PDE12: variants seen among roughly 807,000 people sequenced by gnomAD.
The protein encoded by PDE12 is phosphodiesterase 12.
Under a neutral mutation model 45.4 loss-of-function variants are expected in PDE12, and 26 were observed. The observed-to-expected ratio is 0.57, with a 90% CI of 0.42 to 0.79. The LOEUF is 0.79. Among genes scored for constraint, PDE12 ranks in the 30% least tolerant of loss-of-function variants. The pLI is 0.00. For missense variants in PDE12, 668 were observed against 790.0 expected (o/e 0.85, Z 1.85); for synonymous variants, 283 against 323.9 (o/e 0.87, Z 1.36).
the PDE12 span, among the ~76,000 whole-genome samples, chr3:57,606,763 TA>T: frequency 6.6e-6 from 1 of 152,098 alleles, no homozygotes. Flanking sequence ...GGTAGACTAG[TA>T]AATTAAAGAT....
the PDE12 span, among the ~76,000 whole-genome samples, chr3:57,613,696 T>A: frequency 7.3e-5 from 11 of 151,522 alleles, no homozygotes; most frequent in African/African-American, 2.7e-4. Context: ...GTCAGGAGAT[T>A]GAGACCATCC....
the PDE12 span, chr3:57,575,531 A>T: frequency 6.2e-7 from 1 of 1,602,472 alleles, no homozygotes; most frequent in Non-Finnish European, 8.5e-7. Flanking sequence ...GGTTAATATC[A>T]ACCTCCAAAT....
downstream of PDE12, among the ~76,000 whole-genome samples, chr3:57,567,397 C>G (rs140531354): frequency 1.3e-5 from 2 of 152,270 alleles, no homozygotes; most frequent in Non-Finnish European, 2.9e-5. Flanking sequence ...ACTCCGCTGC[C>G]TCTAACACAT....
rs781669306 is a variant in PDE12 at position 57,559,324 on chromosome 3, G to A, written c.1323G>A (p.Gln441=). 2 of 1,610,694 alleles carry A rather than the reference G, an allele frequency of 1.2e-6. No individual in the cohort carries two copies. Among genetic ancestry groups the A allele is most frequent in the Admixed American group, 1.7e-5 (1 of 59,522 alleles). ...RSSVLQVSVL[Q]STKDSSKRIC... is the part of the protein sequence containing the mutation. ...GTTTATTTTAGGTTTCAGTTCTTCA[G>A]TCTACAAAGGACTCTTCTAAAAGGA... The change falls in exon 2 of 3, where the codon CAG becomes CAA. Residue 441 remains glutamine, a synonymous_variant. Transcript: ENST00000311180.
rs2069784733 is a variant in PDE12 at position 57,566,179 on chromosome 3, G to C, written c.*6175G>C. On this transcript the variant is annotated 3_prime_UTR_variant, in exon 3 of 3. Transcript: ENST00000311180. ...TCACTCCCCATTCTCCCTAGCTCCT[G>C]GCAACAACTTAACCTGTCTCTGTGG... 1 of 151,908 alleles carries C rather than the reference G, an allele frequency of 6.6e-6. No individual in the cohort carries two copies. Among genetic ancestry groups the C allele is most frequent in the Non-Finnish European group, 1.5e-5 (1 of 68,006 alleles). The allele number at this position is 151,908 out of a possible 1,614,324, so 9.4% of individuals were successfully genotyped here.
At chr3:57,616,464 G>A in the PDE12 span, among the ~76,000 whole-genome samples, 20 of 149,822 alleles carry the variant, frequency 1.3e-4, no homozygotes, top group Non-Finnish European at 2.2e-4. Context: ...GTAGGAGGAG[G>A]AGAAAGAAGG....
the PDE12 span, among the ~76,000 whole-genome samples, chr3:57,601,743 CTTTTTTTTT>C: frequency 9.6e-6 from 1 of 103,740 alleles, no homozygotes; most frequent in South Asian, 3.7e-4. Flanking sequence ...TTCTTTCCTT[CTTTTTTTTT>C]TTTTTTTTTT....
chr3:57,615,191 A>G, the PDE12 span, among the ~76,000 whole-genome samples: 1 of 152,052 alleles, frequency 6.6e-6, no homozygotes, highest in Non-Finnish European at 1.5e-5. Context: ...AGGAAAAAGA[A>G]CTGGAAGCCC....
the PDE12 span, among the ~76,000 whole-genome samples, chr3:57,614,544 G>GTTTTTTTT: frequency 4.9e-5 from 6 of 121,316 alleles, no homozygotes; most frequent in Non-Finnish European, 6.6e-5. Flanking sequence ...TTTGTTTTTT[G>GTTTTTTTT]TTTTTTTTTT....
chr3:57,628,458 A>T, the PDE12 span: 1 of 1,393,438 alleles, frequency 7.2e-7, no homozygotes, highest in Non-Finnish European at 9.5e-7. Flanking sequence ...TTTCAGTCTT[A>T]GACCAGAAAT....
chr3:57,634,795 TA>T, the PDE12 span: 1 of 1,515,532 alleles, frequency 6.6e-7, no homozygotes, highest in Non-Finnish European at 8.8e-7. Flanking sequence ...TAAAGATTTT[TA>T]TAATTATTCT....
At chr3:57,628,117 T>C in the PDE12 span, 5 of 1,510,834 alleles carry the variant, frequency 3.3e-6, no homozygotes, top group Admixed American at 1.1e-4. Flanking sequence ...AATTTTCCAC[T>C]CCGCTGCCAC....
At chr3:57,616,574 GTAGT>G in the PDE12 span, among the ~76,000 whole-genome samples, 2 of 152,322 alleles carry the variant, frequency 1.3e-5, no homozygotes, top group East Asian at 3.9e-4. Flanking sequence ...AGTTAAAAAT[GTAGT>G]TAAACACCAT....
chr3:57,570,924 C>CT (rs1169937814), downstream of PDE12, among the ~76,000 whole-genome samples: 1 of 152,068 alleles, frequency 6.6e-6, no homozygotes, highest in East Asian at 1.9e-4. Flanking sequence ...TTATTACAGC[C>CT]TTTTACTCTC....
At chr3:57,581,307 T>C in the PDE12 span, among the ~76,000 whole-genome samples, 1 of 152,168 alleles carries the variant, frequency 6.6e-6, no homozygotes, top group Non-Finnish European at 1.5e-5. Context: ...CCAGCTAGCA[T>C]GAACTCCCTA....
the PDE12 span, chr3:57,626,896 T>C: frequency 0.42 from 63,838 of 152,248 alleles, 13,837 homozygotes; most frequent in East Asian, 0.56. Context: ...TGTCAAACAA[T>C]AGTAGGAAAA....
Position 57,565,049 on chromosome 3 carries a change from T to C in PDE12, c.*5045T>C. On this transcript the variant is annotated 3_prime_UTR_variant, in exon 3 of 3. Coordinates refer to ENST00000311180, the MANE Select transcript of PDE12 (RefSeq NM_177966.7). The stretch of plus-strand genomic sequence containing the variant: ...TTGCCCAGGCTGGAGCGCAGTGGCA[T>C]GATCATAGCTCACTGCAGCATCAAA... 1 of 150,924 alleles carries C rather than the reference T, an allele frequency of 6.6e-6. No homozygotes were observed. Among genetic ancestry groups the C allele is most frequent in the African/African-American group, 2.4e-5 (1 of 40,950 alleles). 9.3% of individuals were successfully genotyped at this position (150,924 alleles called of 1,614,324 possible).
At chr3:57,582,892 C>T in the PDE12 span, among the ~76,000 whole-genome samples, 6 of 152,208 alleles carry the variant, frequency 3.9e-5, no homozygotes, top group Non-Finnish European at 5.9e-5. Context: ...TCAGTTTCCT[C>T]ATATGTAAGA....
Position 57,557,624 on chromosome 3 carries a change from G to A in PDE12, c.1245G>A (p.Leu415=). 6.2e-7 allele frequency: 1 copy of A among 1,614,090 alleles called. No homozygotes were observed. Among genetic ancestry groups the A allele is most frequent in the Non-Finnish European group, 8.5e-7 (1 of 1,180,034 alleles). ...CCGACCCACTTCACAAAGAACTGCT[G>A]GAGAAACTAGTTTTGTACCCATCAG... ...LESDPLHKEL[L]EKLVLYPSAQ... Residue 415 remains leucine, a synonymous_variant, in exon 1 of 3, where the codon CTG becomes CTA. Transcript: ENST00000311180.
Sources: allele counts gnomAD v4.1 joint callset (sites outside exome capture counted in the v4.1 genomes callset), GRCh38; gene constraint gnomAD v4.1.1; transcripts MANE v1.5; gene names NCBI Gene and HGNC (gene_info 2026-07-23, HGNC 2026-07-21).